DYM: variants seen among roughly 807,000 people sequenced by gnomAD.
DYM encodes the protein dymeclin.
DYM carries 78 observed loss-of-function variants against 93.1 expected under a neutral mutation model. That is an observed-to-expected ratio of 0.84 (90% CI 0.70 to 1.01). The LOEUF is 1.01. Among genes scored for constraint, DYM ranks in the 50% least tolerant of loss-of-function variants. DYM has a pLI of 0.00. For synonymous variants in DYM, 321 were observed against 319.7 expected (o/e 1.00, Z -0.04); for missense variants, 789 against 845.0 (o/e 0.93, Z 0.82).
intron 3 of DYM, among the ~76,000 whole-genome samples, chr18:49,387,608 G>T (rs1803558392): frequency 6.6e-6 from 1 of 152,152 alleles, no homozygotes; most frequent in African/African-American, 2.4e-5. Context: ...TCACCAGCAA[G>T]AAGATTATGA....
intron 13 of DYM, among the ~76,000 whole-genome samples, chr18:49,248,994 G>A (rs2094228170): frequency 6.6e-6 from 1 of 152,188 alleles, no homozygotes; most frequent in African/African-American, 2.4e-5. Context: ...AGGGCTAGGG[G>A]AAAGCAAACT....
At chr18:49,282,270 A>T (rs750940391) in intron 9 of DYM, 95 bp from the exon 10 acceptor site, 6 of 1,180,902 alleles carry the variant, frequency 5.1e-6, no homozygotes, top group Non-Finnish European at 7.4e-6. Flanking sequence ...AATTCCCATT[A>T]ATTTTATGGA....
chr18:49,342,163 TG>T (rs1167836429), intron 6 of DYM, among the ~76,000 whole-genome samples: 3 of 152,208 alleles, frequency 2.0e-5, no homozygotes. Flanking sequence ...CCTGTTTTCT[TG>T]CTGGGTGTAA....
chr18:49,327,503 C>T (rs919495707), intron 8 of DYM, among the ~76,000 whole-genome samples: 20 of 151,946 alleles, frequency 1.3e-4, no homozygotes, highest in East Asian at 1.9e-4. Flanking sequence ...TCTGCAGGCG[C>T]GCACCACCAC....
intron 16 of DYM, among the ~76,000 whole-genome samples, chr18:49,106,425 T>C (rs919917539): frequency 1.4e-4 from 22 of 152,232 alleles, no homozygotes; most frequent in South Asian, 2.1e-4. Flanking sequence ...AATATTGTTA[T>C]GTGTGAATTT....
intron 13 of DYM, among the ~76,000 whole-genome samples, chr18:49,217,479 A>G (rs530380458): frequency 6.6e-6 from 1 of 152,170 alleles, no homozygotes; most frequent in South Asian, 2.1e-4. Context: ...GAAATGAAGG[A>G]AAAAATGTTA....
intron 2 of DYM, among the ~76,000 whole-genome samples, chr18:49,418,880 G>C (rs2148307546): frequency 6.6e-6 from 1 of 152,204 alleles, no homozygotes; most frequent in East Asian, 1.9e-4. Context: ...GAAAGTGACA[G>C]ACCAAAAGTA....
At chr18:49,260,235 C>T (rs1220215649) in intron 11 of DYM, among the ~76,000 whole-genome samples, 2 of 152,160 alleles carry the variant, frequency 1.3e-5, no homozygotes, top group East Asian at 3.9e-4. Flanking sequence ...AAAAAATTAG[C>T]CGGGTGTAGT....
chr18:49,096,086 C>T (rs1301942364), intron 17 of DYM, among the ~76,000 whole-genome samples: 1 of 152,134 alleles, frequency 6.6e-6, no homozygotes, highest in East Asian at 1.9e-4. Flanking sequence ...AAACCAAGGT[C>T]TTACTTTATG....
intron 17 of DYM, among the ~76,000 whole-genome samples, chr18:49,080,266 C>A (rs2077762475): frequency 7.5e-6 from 1 of 133,714 alleles, no homozygotes; most frequent in Non-Finnish European, 1.6e-5. Context: ...GGGCTCCTCA[C>A]TTCCCAGTAG....
intron 11 of DYM, among the ~76,000 whole-genome samples, chr18:49,258,708 C>T (rs964755131): frequency 2.0e-5 from 3 of 151,694 alleles, no homozygotes; most frequent in Admixed American, 6.6e-5. Context: ...CGCACACCTC[C>T]GGGCCTAAGT....
intron 2 of DYM, among the ~76,000 whole-genome samples, chr18:49,421,764 T>G (rs2073739310): frequency 6.6e-6 from 1 of 152,150 alleles, no homozygotes; most frequent in Non-Finnish European, 1.5e-5. Flanking sequence ...TGAAGAAAGA[T>G]TAGATGAATG....
chr18:49,277,821 G>C (rs184684446), intron 10 of DYM, among the ~76,000 whole-genome samples: 1 of 152,332 alleles, frequency 6.6e-6, no homozygotes, highest in African/African-American at 2.4e-5. Flanking sequence ...AGTCAGGCCA[G>C]ACTAAATTCT....
intron 14 of DYM, among the ~76,000 whole-genome samples, chr18:49,189,106 G>C (rs1202915135): frequency 6.6e-6 from 1 of 152,146 alleles, no homozygotes; most frequent in Non-Finnish European, 1.5e-5. Flanking sequence ...CAAACACTGG[G>C]TACACATGGA....
intron 1 of DYM, among the ~76,000 whole-genome samples, chr18:49,449,254 A>AT (rs1416616900): frequency 2.6e-5 from 4 of 152,224 alleles, no homozygotes; most frequent in Admixed American, 2.6e-4. Flanking sequence ...TCATGAAGAG[A>AT]TTTTATGTTG....
intron 17 of DYM, among the ~76,000 whole-genome samples, chr18:49,088,702 G>A (rs966626175): frequency 1.3e-5 from 2 of 152,168 alleles, no homozygotes; most frequent in African/African-American, 4.8e-5. Flanking sequence ...TATTATGTAT[G>A]CTTTCAGTTA....
At chr18:49,124,839 G>C (rs961074539) in intron 15 of DYM, among the ~76,000 whole-genome samples, 1 of 152,190 alleles carries the variant, frequency 6.6e-6, no homozygotes, top group African/African-American at 2.4e-5. Context: ...ATGCTAGAAA[G>C]AATCTTCTGT....
intron 1 of DYM, among the ~76,000 whole-genome samples, chr18:49,441,109 A>T (rs1458325675): frequency 0.015 from 109 of 7,222 alleles, 4 homozygotes; most frequent in Non-Finnish European, 0.028. Context: ...ATATATATTA[A>T]TATAAATATA....
chr18:49,365,390 AC>A (rs1290147296), intron 5 of DYM, among the ~76,000 whole-genome samples: 3 of 152,178 alleles, frequency 2.0e-5, no homozygotes, highest in Non-Finnish European at 2.9e-5. Flanking sequence ...ACTCCAAGAA[AC>A]ATCGGGCTTG....
Sources: gnomAD v4.1 joint callset for allele counts (sites outside exome capture counted in the v4.1 genomes callset) on GRCh38, gnomAD v4.1.1 for gene constraint, MANE v1.5 for transcripts, NCBI Gene and HGNC (gene_info 2026-07-23, HGNC 2026-07-21) for gene names.